CD79A: variants seen among roughly 807,000 people sequenced by gnomAD.
CD79A encodes the protein CD79a molecule.
CD79A carries 16 observed loss-of-function variants against 27.4 expected under a neutral mutation model. The observed-to-expected ratio is 0.58, with a 90% CI of 0.40 to 0.89. CD79A has a LOEUF of 0.89. CD79A is among the 40% of genes least tolerant of loss of function. CD79A has a pLI of 0.00. For synonymous variants in CD79A, 110 were observed against 132.7 expected (o/e 0.83, Z 1.18); for missense variants, 237 against 299.7 (o/e 0.79, Z 1.55).
At chr19:41,880,430 G>A (rs2074215131) in intron 3 of CD79A, among the ~76,000 whole-genome samples, 1 of 110,354 alleles carries the variant, frequency 9.1e-6, no homozygotes, top group Non-Finnish European at 2.1e-5. Context: ...AGGGCGAGAG[G>A]GAGGGAGGGA....
At chr19:41,880,780 G>T (rs1295320512) in intron 4 of CD79A, 42 bp downstream of exon 4, 85 of 1,510,420 alleles carry the variant, frequency 5.6e-5, no homozygotes, top group Non-Finnish European at 6.9e-5. Flanking sequence ...GTTGTGTTAG[G>T]GGTGGGGGTG....
intron 3 of CD79A, among the ~76,000 whole-genome samples, chr19:41,880,223 A>T (rs1439361300): frequency 6.6e-6 from 1 of 151,316 alleles, no homozygotes; most frequent in South Asian, 2.1e-4. Flanking sequence ...ACAAAGTCTT[A>T]AAAAAAAATT....
rs1159305001 is a variant in CD79A at position 41,877,931 on chromosome 19, G to A, written c.79+548G>A. Among the ~76,000 whole-genome samples, 1 of 152,148 alleles carries A rather than the reference G, an allele frequency of 6.6e-6. No homozygotes were observed. Among genetic ancestry groups the A allele is most frequent in the African/African-American group, 2.4e-5 (1 of 41,418 alleles). ...GGTTCCCCACCCAAGGGGACACTGG[G>A]AGCAAGGATTGGAGTTCACGTCTGA... On this transcript the variant is annotated intron_variant, in intron 1 of 4. Coordinates refer to ENST00000221972, the MANE Select transcript of CD79A (RefSeq NM_001783.4). The surrounding 1 kb of genome is among the most constrained non-coding windows in gnomAD (Gnocchi z 4.1).
rs1555843685 is a variant in CD79A at position 41,879,528 on chromosome 19, C to T, written c.380-7C>T. ...CCAGGGCTCTGAGCCATACTACCTC[C>T]TTGCAGAGCCGCCCCCCAGGCCCTT... On this transcript the variant is annotated splice_polypyrimidine_tract_variant and splice_region_variant and intron_variant, in intron 2 of 4. Transcript: ENST00000221972. This position sits in a 1 kb window ranked among gnomAD's most constrained non-coding sequence, Gnocchi z 5.1. 1.3e-6 allele frequency: 2 copies of T among 1,591,844 alleles called. No homozygotes were observed. The highest frequency in any genetic ancestry group is 8.6e-7 in the Non-Finnish European group (1 of 1,164,724).
rs1555843740 is a variant in CD79A, at chr19:41,879,596, C to G, written c.441C>G (p.Ala147=). The G allele has an allele frequency of 1.9e-6, 3 of 1,612,250 alleles. No homozygotes were observed. Among genetic ancestry groups the G allele is most frequent in the Non-Finnish European group, 2.5e-6 (3 of 1,179,418 alleles). ...GEGTKNRIIT[A]EGIILLFCAV... The stretch of plus-strand genomic sequence containing the variant: ...GCACCAAGAACCGAATCATCACAGC[C>G]GAGGGGATCATCCTCCTGTTCTGCG... Residue 147 remains alanine (A), a synonymous_variant, in exon 3 of 5, where the codon GCC becomes GCG. Transcript: ENST00000221972. This position sits in a 1 kb window ranked among gnomAD's most constrained non-coding sequence, Gnocchi z 5.1.
Position 41,881,363 on chromosome 19 carries a change from C to T in CD79A, c.*383C>T. 2.5e-6 allele frequency: 1 copy of T among 395,222 alleles called. No individual in the cohort carries two copies. Among genetic ancestry groups the T allele is most frequent in the Non-Finnish European group, 4.8e-6 (1 of 209,862 alleles). 24.5% of individuals were successfully genotyped at this position (395,222 alleles called of 1,614,324 possible). A position where few individuals can be genotyped will look rare whatever the true frequency, so the allele number is the denominator to read the frequency against. ...GGCCACTTAGTGATAATAAATTCTTCCCAACTGCAGACCTTGGCAGGAGTC... is the reference window on the plus strand; with the variant it reads ...GGCCACTTAGTGATAATAAATTCTTTCCAACTGCAGACCTTGGCAGGAGTC... On this transcript the variant is annotated 3_prime_UTR_variant, in exon 5 of 5. Transcript: ENST00000221972.
At position 41,881,068 on chromosome 19, in the gene CD79A, C is replaced by A. The variant is rs959377866; in HGVS notation, c.*88C>A. The A allele has an allele frequency of 4.7e-6, 4 of 845,606 alleles. No individual in the cohort carries two copies. The highest frequency in any genetic ancestry group is 2.0e-5 in the Admixed American group (1 of 50,170). 52.4% of individuals were successfully genotyped at this position (845,606 alleles called of 1,614,324 possible). On this transcript the variant is annotated 3_prime_UTR_variant, in exon 5 of 5. Coordinates refer to ENST00000221972, the MANE Select transcript of CD79A (RefSeq NM_001783.4). ...CTTCCCTGGGACATTCTCCTTTCAGCCCTTCTGGGGGCTTCCTTAGTCATA... is the reference window on the plus strand; with the variant it reads ...CTTCCCTGGGACATTCTCCTTTCAGACCTTCTGGGGGCTTCCTTAGTCATA...
chr19:41,878,572 T>C lies in CD79A; in HGVS notation c.80-418T>C, dbSNP rs1555843323. Reference sequence around the variant, plus strand: ...GAGGAGGGGACGCCTGCACTGCTTCTGGAAGGAGCTGTCTGGACAGCGGTC... The same window carrying C: ...GAGGAGGGGACGCCTGCACTGCTTCCGGAAGGAGCTGTCTGGACAGCGGTC... On this transcript the variant is annotated intron_variant, in intron 1 of 4. Transcript: ENST00000221972. This position sits in a 1 kb window ranked among gnomAD's most constrained non-coding sequence, Gnocchi z 4.3. 6.6e-6 allele frequency among the ~76,000 whole-genome samples: 1 copy of C among 152,142 alleles called. No homozygotes were observed. Among genetic ancestry groups the C allele is most frequent in the Non-Finnish European group, 1.5e-5 (1 of 68,018 alleles).
In CD79A at chr19:41,879,663, C is replaced by A. The variant is rs782338772; in HGVS notation, c.498+10C>A. ...GCTGCTGCTGTTCAGGGTGAGCCCC[C>A]TCGGACCTCTGAGTCAGCCGGGCGA... On this transcript the variant is annotated intron_variant, in intron 3 of 4. Coordinates refer to ENST00000221972, the MANE Select transcript of CD79A (RefSeq NM_001783.4). This position sits in a 1 kb window ranked among gnomAD's most constrained non-coding sequence, Gnocchi z 5.1. 1 of 1,578,042 alleles carries A rather than the reference C, an allele frequency of 6.3e-7. No individual in the cohort carries two copies. Among genetic ancestry groups the A allele is most frequent in the Non-Finnish European group, 8.7e-7 (1 of 1,149,026 alleles).
chr19:41,880,165 A>G (rs1239063546), intron 3 of CD79A, among the ~76,000 whole-genome samples: 3 of 152,078 alleles, frequency 2.0e-5, no homozygotes, highest in Non-Finnish European at 4.4e-5. Context: ...TGAGGCCACA[A>G]GTTTGAGACC....
Position 41,877,472 on chromosome 19 carries a change from G to T in CD79A, c.79+89G>T. On this transcript the variant is annotated intron_variant, in intron 1 of 4. Transcript: ENST00000221972. The surrounding 1 kb of genome is among the most constrained non-coding windows in gnomAD (Gnocchi z 4.1). ...CACAGGCAGAGGGAAGGGGGCTCAG[G>T]GAAAGGGGAAGAGGAGGCAGAGGAT... 2 of 1,080,032 alleles carry T rather than the reference G, an allele frequency of 1.9e-6. No homozygotes were observed. The highest frequency in any genetic ancestry group is 2.9e-6 in the Non-Finnish European group (2 of 697,142). The allele number at this position is 1,080,032 out of a possible 1,614,324, so 66.9% of individuals were successfully genotyped here.
rs137953079 is a variant in CD79A at position 41,879,179 on chromosome 19, C to T, written c.269C>T (p.Thr90Met). The part of the protein sequence containing the change: ...FLGPGEDPNG[T>M]LIIQNVNKSH... ...GGCCCGGGCGAGGACCCCAATGGTA[C>T]GCTGATCATCCAGAATGTGAACAAG... The change falls in exon 2 of 5, where the codon ACG (threonine) becomes ATG (methionine). Residue 90 changes from threonine to methionine, a missense_variant. Transcript: ENST00000221972. This position sits in a 1 kb window ranked among gnomAD's most constrained non-coding sequence, Gnocchi z 5.1. 4.8e-5 allele frequency: 78 copies of T among 1,613,954 alleles called. No individual in the cohort carries two copies. The African/African-American group carries it at 7.6e-4, about 16-fold the overall frequency.
At position 41,881,022 on chromosome 19, in the gene CD79A, C is replaced by A. The variant is rs1346926060; in HGVS notation, c.*42C>A. On this transcript the variant is annotated 3_prime_UTR_variant, in exon 5 of 5. Coordinates refer to ENST00000221972, the MANE Select transcript of CD79A (RefSeq NM_001783.4). ...AGGCTGCCCCCGCCTGCTGTGCACC[C>A]AGCTCCAGTGTCTCAGCTCACTTCC... 8.6e-7 allele frequency: 1 copy of A among 1,166,538 alleles called. No homozygotes were observed. Among genetic ancestry groups the A allele is most frequent in the Non-Finnish European group, 1.2e-6 (1 of 804,352 alleles). 72.3% of individuals were successfully genotyped at this position (1,166,538 alleles called of 1,614,324 possible). A position where few individuals can be genotyped will look rare whatever the true frequency, so the allele number is the denominator to read the frequency against.
At position 41,878,776 on chromosome 19, in the gene CD79A, A is replaced by G. The variant is rs1212834620; in HGVS notation, c.80-214A>G. Among the ~76,000 whole-genome samples, 1 of 151,908 alleles carries G rather than the reference A, an allele frequency of 6.6e-6. No homozygotes were observed. The highest frequency in any genetic ancestry group is 1.5e-5 in the Non-Finnish European group (1 of 67,944). On this transcript the variant is annotated intron_variant, in intron 1 of 4. Coordinates refer to ENST00000221972, the MANE Select transcript of CD79A (RefSeq NM_001783.4). The surrounding 1 kb of genome is among the most constrained non-coding windows in gnomAD (Gnocchi z 4.3). The stretch of plus-strand genomic sequence containing the variant: ...CAGGATATCCTCACCCACCCCAACC[A>G]GGTATGTCCTCTCTCCTTCCCAGGG...
rs2074224336 is a variant in CD79A at position 41,881,360 on chromosome 19, C to A, written c.*380C>A. 7.6e-6 allele frequency: 3 copies of A among 397,220 alleles called. No homozygotes were observed. In the East Asian group the frequency reaches 1.3e-4, roughly 17 times the overall value. The allele number at this position is 397,220 out of a possible 1,614,324, so 24.6% of individuals were successfully genotyped here. ...CAGGGCCACTTAGTGATAATAAATT[C>A]TTCCCAACTGCAGACCTTGGCAGGA... On this transcript the variant is annotated 3_prime_UTR_variant, in exon 5 of 5. Transcript: ENST00000221972.
chr19:41,880,643 A>AGGCGGGGGGGGGG, intron 3 of CD79A, 27 bp from the exon 4 acceptor site: 2 of 1,171,722 alleles, frequency 1.7e-6, no homozygotes, highest in Non-Finnish European at 2.5e-6. Flanking sequence ...CTGCTCACTG[A>AGGCGGGGGGGGGG]GGCACCCACC....
In CD79A at chr19:41,879,206, G is replaced by C; in HGVS notation, c.296G>C (p.Ser99Thr). ...CTGATCATCCAGAATGTGAACAAGA[G>C]CCATGGGGGCATATACGTGTGCCGG... Reference protein sequence around the residue: ...GTLIIQNVNKSHGGIYVCRVQ... With the variant: ...GTLIIQNVNKTHGGIYVCRVQ... The change falls in exon 2 of 5, where the codon AGC becomes ACC. Residue 99 changes from serine to threonine, a missense_variant. Coordinates refer to ENST00000221972, the MANE Select transcript of CD79A (RefSeq NM_001783.4). This position sits in a 1 kb window ranked among gnomAD's most constrained non-coding sequence, Gnocchi z 5.1. 1 of 1,613,920 alleles carries C rather than the reference G, an allele frequency of 6.2e-7. No homozygotes were observed. The highest frequency in any genetic ancestry group is 8.5e-7 in the Non-Finnish European group (1 of 1,180,020).
At position 41,877,711 on chromosome 19, in the gene CD79A, G is replaced by A. The variant is rs2074197140; in HGVS notation, c.79+328G>A. On this transcript the variant is annotated intron_variant, in intron 1 of 4. Transcript: ENST00000221972. The surrounding 1 kb of genome is among the most constrained non-coding windows in gnomAD (Gnocchi z 4.1). ...AGCACCAGGGCTGGGGGCAGGAAGG[G>A]GACTTAGGGGTAGCAGCATTCAGCG... Among the ~76,000 whole-genome samples the A allele has an allele frequency of 6.6e-6, 1 of 152,154 alleles. No homozygotes were observed. Among genetic ancestry groups the A allele is most frequent in the East Asian group, 1.9e-4 (1 of 5,192 alleles).
chr19:41,879,575 C>G lies in CD79A; in HGVS notation c.420C>G (p.Thr140=). ...PRPFLDMGEG[T]KNRIITAEGI... is the part of the protein sequence containing the mutation. ...CCTTCCTGGACATGGGGGAGGGCAC[C>G]AAGAACCGAATCATCACAGCCGAGG... The change falls in exon 3 of 5, where the codon ACC becomes ACG. Residue 140 remains threonine (T), a synonymous_variant. Transcript: ENST00000221972. This position sits in a 1 kb window ranked among gnomAD's most constrained non-coding sequence, Gnocchi z 5.1. 1 of 1,611,730 alleles carries G rather than the reference C, an allele frequency of 6.2e-7. No individual in the cohort carries two copies. Among genetic ancestry groups the G allele is most frequent in the Non-Finnish European group, 8.5e-7 (1 of 1,179,196 alleles).
Sources: gnomAD v4.1 joint callset for allele counts (sites outside exome capture counted in the v4.1 genomes callset) on GRCh38, gnomAD v4.1.1 for gene constraint, Gnocchi (gnomAD v3.1) non-coding constraint, MANE v1.5 for transcripts, NCBI Gene and HGNC (gene_info 2026-07-23, HGNC 2026-07-21) for gene names.